RREB1: variants seen among roughly 807,000 people sequenced by gnomAD.
The protein encoded by RREB1 is ras responsive element binding protein 1.
Under a neutral mutation model 117.8 loss-of-function variants are expected in RREB1, and 27 were observed. The ratio of observed to expected loss-of-function variants is 0.23; its 90% CI spans 0.17 to 0.32. RREB1 has a LOEUF of 0.32. Ranked by LOEUF, RREB1 falls within the 10% of genes least tolerant of loss-of-function variation. The pLI is 1.00. For missense variants in RREB1, 2,577 were observed against 2,378.2 expected, an observed-to-expected ratio of 1.08 and a Z score of -1.74; for synonymous variants, 1,298 against 1,026.7, an observed-to-expected ratio of 1.26 and a Z score of -5.05.
At chr6:7,221,254 C>T (rs944025444) in intron 8 of RREB1, among the ~76,000 whole-genome samples, 43 of 151,948 alleles carry the variant, frequency 2.8e-4, no homozygotes, top group East Asian at 2.3e-3. Flanking sequence ...CTGCAAGCTC[C>T]GCTTCCCGGG....
At chr6:7,161,122 T>A (rs75387241) in intron 1 of RREB1, among the ~76,000 whole-genome samples, 1 of 152,146 alleles carries the variant, frequency 6.6e-6, no homozygotes, top group Admixed American at 6.5e-5. Context: ...TGAGGCACAG[T>A]GTCCAGCCCA....
chr6:7,181,750 A>G, intron 3 of RREB1, 120 bp from the exon 4 acceptor site: 1 of 769,006 alleles, frequency 1.3e-6, no homozygotes, highest in East Asian at 2.4e-5. Flanking sequence ...TTAACTGGAG[A>G]AAGACAGCGT....
rs746772631 is a variant in RREB1, at chr6:7,229,226, G to T, written c.1127G>T (p.Arg376Met). 6.2e-7 allele frequency: 1 copy of T among 1,613,946 alleles called. No individual in the cohort carries two copies. Among genetic ancestry groups the T allele is most frequent in the South Asian group, 1.1e-5 (1 of 91,054 alleles). Residue 376 changes from arginine to methionine, a missense_variant, in exon 10 of 13, where the codon AGG becomes ATG. By Grantham distance (91) the Arg-to-Met change is moderately conservative. Transcript: ENST00000379938. This position sits in a 1 kb window ranked among gnomAD's most constrained non-coding sequence, Gnocchi z 4.5. ...GGCCTGCAGCACACCAAAGACGTCA[G>T]GCCTGCCCCCGCCGAGGAGCCCCTG... Reference protein sequence around the residue: ...LLGLQHTKDVRPAPAEEPLPD... With the variant: ...LLGLQHTKDVMPAPAEEPLPD...
intron 10 of RREB1, among the ~76,000 whole-genome samples, chr6:7,233,558 T>G (rs963890658): frequency 1.3e-5 from 2 of 152,186 alleles, no homozygotes; most frequent in Non-Finnish European, 2.9e-5. Context: ...ATAAGTATTT[T>G]TATGTAGTTC....
intron 1 of RREB1, among the ~76,000 whole-genome samples, chr6:7,121,825 T>A (rs1761694021): frequency 3.3e-5 from 5 of 152,160 alleles, no homozygotes; most frequent in Admixed American, 2.6e-4. Context: ...TGTTTTCCAC[T>A]GAGTTGGTAC....
At chr6:7,149,048 G>A (rs1019595126) in intron 1 of RREB1, among the ~76,000 whole-genome samples, 3 of 152,032 alleles carry the variant, frequency 2.0e-5, no homozygotes, top group Non-Finnish European at 4.4e-5. Flanking sequence ...TCAGCCTCCC[G>A]AGTAGCTGGG....
At chr6:7,126,571 C>CTAG in intron 1 of RREB1, among the ~76,000 whole-genome samples, 1 of 152,232 alleles carries the variant, frequency 6.6e-6, no homozygotes, top group Non-Finnish European at 1.5e-5. Context: ...GCTGGCAGGA[C>CTAG]TGTTTTGAAA....
intron 11 of RREB1, among the ~76,000 whole-genome samples, chr6:7,242,361 A>G (rs1768759641): frequency 6.6e-6 from 1 of 152,204 alleles, no homozygotes; most frequent in South Asian, 2.1e-4. Flanking sequence ...TCCAAATCCC[A>G]ACAAAGCCCT....
chr6:7,157,190 G>A (rs1763413846), intron 1 of RREB1, among the ~76,000 whole-genome samples: 1 of 152,154 alleles, frequency 6.6e-6, no homozygotes. Flanking sequence ...CCAGCACTTT[G>A]GGATGCAGAG....
chr6:7,237,208 C>T (rs902894659), intron 10 of RREB1, among the ~76,000 whole-genome samples: 2 of 152,046 alleles, frequency 1.3e-5, no homozygotes, highest in Non-Finnish European at 2.9e-5. Context: ...GCCTCAGCCT[C>T]CAGAGTAGCT....
At chr6:7,200,654 G>T (rs1480703906) in intron 6 of RREB1, among the ~76,000 whole-genome samples, 1 of 152,178 alleles carries the variant, frequency 6.6e-6, no homozygotes, top group Non-Finnish European at 1.5e-5. Flanking sequence ...GAATTGAATT[G>T]ACCAAGTTCA....
chr6:7,113,718 T>C lies in RREB1; in HGVS notation c.-285+5658T>C, dbSNP rs114296991. ...AATATATACTGCCTATTTATCTCCA[T>C]GTGTATGGTGTGTGGTTTTTAAATA... is the stretch of plus-strand genomic sequence containing the variant. On this transcript the variant is annotated intron_variant, in intron 1 of 12. Coordinates refer to ENST00000379938, the MANE Select transcript of RREB1 (RefSeq NM_001003699.4). Among the ~76,000 whole-genome samples the C allele has an allele frequency of 4.4e-3, 668 of 152,320 alleles. 5 individuals carry two copies. Among genetic ancestry groups the C allele is most frequent in the African/African-American group, 0.015 (637 of 41,564 alleles).
intron 6 of RREB1, among the ~76,000 whole-genome samples, chr6:7,195,857 C>A (rs575217090): frequency 6.6e-6 from 1 of 152,244 alleles, no homozygotes; most frequent in Non-Finnish European, 1.5e-5. Flanking sequence ...CCAGTTTCAT[C>A]TGACATGGCC....
chr6:7,142,592 G>C (rs1435052606), intron 1 of RREB1, among the ~76,000 whole-genome samples: 1 of 152,358 alleles, frequency 6.6e-6, no homozygotes, highest in Non-Finnish European at 1.5e-5. Context: ...AGTTCGTGGG[G>C]TCAGGCTTGA....
chr6:7,249,659 A>G lies in RREB1; in HGVS notation c.*691A>G, dbSNP rs2113215207. On this transcript the variant is annotated 3_prime_UTR_variant, in exon 13 of 13. Transcript: ENST00000379938. Reference sequence around the variant, plus strand: ...CATTTCCAGTCTGTCAGCATTAGACATGGTCACTGTTCAAGTTTCAAGACA... The same window carrying G: ...CATTTCCAGTCTGTCAGCATTAGACGTGGTCACTGTTCAAGTTTCAAGACA... 6.6e-6 allele frequency: 1 copy of G among 152,310 alleles called. No homozygotes were observed. Among genetic ancestry groups the G allele is most frequent in the East Asian group, 1.9e-4 (1 of 5,192 alleles). 9.4% of individuals were successfully genotyped at this position (152,310 alleles called of 1,614,324 possible).
intron 1 of RREB1, among the ~76,000 whole-genome samples, chr6:7,124,810 G>A (rs915039440): frequency 6.6e-6 from 1 of 152,194 alleles, no homozygotes; most frequent in Non-Finnish European, 1.5e-5. Flanking sequence ...TGATGTAGAT[G>A]CAGTTGTTAT....
At chr6:7,203,532 C>T (rs931243783) in intron 6 of RREB1, among the ~76,000 whole-genome samples, 2 of 152,118 alleles carry the variant, frequency 1.3e-5, no homozygotes, top group African/African-American at 4.8e-5. Flanking sequence ...GATGGTGGTC[C>T]AGCCTGGAGA....
chr6:7,129,390 G>A (rs533138861), intron 1 of RREB1, among the ~76,000 whole-genome samples: 1 of 152,220 alleles, frequency 6.6e-6, no homozygotes. Flanking sequence ...CAAAGTTTTT[G>A]AGTAGAGAAG....
chr6:7,109,448 T>C (rs2113266854), intron 1 of RREB1, among the ~76,000 whole-genome samples: 1 of 144,534 alleles, frequency 6.9e-6, no homozygotes, highest in African/African-American at 2.5e-5. Context: ...TGTGACCTGC[T>C]CCGCGGCCGC....
Sources: gnomAD v4.1 joint callset for allele counts (sites outside exome capture counted in the v4.1 genomes callset) on GRCh38, gnomAD v4.1.1 for gene constraint, Gnocchi (gnomAD v3.1) non-coding constraint, MANE v1.5 for transcripts, NCBI Gene and HGNC (gene_info 2026-07-23, HGNC 2026-07-21) for gene names.